Variants in TLK2 observed in about 807,000 individuals in gnomAD.
TLK2 encodes serine/threonine-protein kinase tousled-like 2.
Under a neutral mutation model 117.3 loss-of-function variants are expected in TLK2, and 6 were observed. The ratio of observed to expected loss-of-function variants is 0.05; its 90% CI spans 0.03 to 0.10. The LOEUF (loss-of-function observed/expected upper bound fraction) is 0.10. Ranked by LOEUF, TLK2 falls within the 10% of genes least tolerant of loss-of-function variation. The pLI, the probability that TLK2 is intolerant of heterozygous loss-of-function variation, is 1.00. For synonymous variants in TLK2, 257 were observed against 316.7 expected, an observed-to-expected ratio of 0.81 and a Z score of 2.00; for missense variants, 299 against 901.2, an observed-to-expected ratio of 0.33 and a Z score of 8.56.
chr17:62,491,411 G>A (rs2073098107), intron 2 of TLK2, among the ~76,000 whole-genome samples: 1 of 152,076 alleles, frequency 6.6e-6, no homozygotes, highest in South Asian at 2.1e-4. Context: ...TTTCATACCT[G>A]GGTCTAGGGA....
chr17:62,547,934 A>G (rs1428011340), intron 7 of TLK2, among the ~76,000 whole-genome samples: 2 of 152,160 alleles, frequency 1.3e-5, no homozygotes, highest in Non-Finnish European at 2.9e-5. Flanking sequence ...TAGATAGTCT[A>G]TGATTCCCCT....
Position 62,581,978 on chromosome 17 carries a change from TG to T in TLK2, c.1368+1788del, listed in dbSNP as rs1298304621. Among the ~76,000 whole-genome samples, 3 of 152,156 alleles carry T rather than the reference TG, an allele frequency of 2.0e-5. No individual in the cohort carries two copies. In the East Asian group the frequency reaches 5.8e-4, roughly 29 times the overall value. On this transcript the variant is annotated intron_variant, in intron 15 of 21. Transcript: ENST00000346027. The stretch of plus-strand genomic sequence containing the variant: ...AAATTCTTGGGCAGGACAGTCTCTG[TG>T]GCTCATGTCTATAATCCCAGCACTC...
intron 7 of TLK2, chr17:62,549,837 T>A (rs1387129930): frequency 6.7e-6 from 1 of 148,544 alleles, no homozygotes. Context: ...TTGTATTGTT[T>A]TTTTTTTTTT....
upstream of TLK2, among the ~76,000 whole-genome samples, chr17:62,476,451 TG>T (rs1041137505): frequency 2.0e-5 from 3 of 151,960 alleles, no homozygotes; most frequent in African/African-American, 7.2e-5. Flanking sequence ...GGTGTGGTGG[TG>T]TGCGCCTGTA....
chr17:62,612,317 G>A (rs1197565847), intron 21 of TLK2, 75 bp from the exon 22 acceptor site: 6 of 1,498,382 alleles, frequency 4.0e-6, no homozygotes, highest in Non-Finnish European at 4.5e-6. Context: ...CCTGGCAGCC[G>A]ATAGAGAGCC....
At chr17:62,605,396 G>C (rs1443677892) in intron 19 of TLK2, among the ~76,000 whole-genome samples, 1 of 152,064 alleles carries the variant, frequency 6.6e-6, no homozygotes, top group African/African-American at 2.4e-5. Context: ...TTCTTACTTT[G>C]AGATGGGGGT....
chr17:62,553,245 C>G (rs1248910151), intron 8 of TLK2, among the ~76,000 whole-genome samples: 1 of 152,080 alleles, frequency 6.6e-6, no homozygotes, highest in Non-Finnish European at 1.5e-5. Flanking sequence ...TAGTTGAGCA[C>G]TCAGGTAGCT....
In TLK2 at chr17:62,556,539, C is replaced by G. The variant is rs1159311584; in HGVS notation, c.720+2784C>G. ...TGTGCAGGATTTTTGTGTCATAACC[C>G]CTTGTTCTATTCGTTCTGCCTCTCA... On this transcript the variant is annotated intron_variant, in intron 9 of 21. Coordinates refer to ENST00000346027, the MANE Select transcript of TLK2 (RefSeq NM_006852.6). Among the ~76,000 whole-genome samples, 7 of 152,290 alleles carry G rather than the reference C, an allele frequency of 4.6e-5. No homozygotes were observed. In the South Asian group the frequency reaches 1.5e-3, roughly 32 times the overall value.
intron 10 of TLK2, among the ~76,000 whole-genome samples, chr17:62,561,896 A>G (rs2079309571): frequency 6.6e-6 from 1 of 152,256 alleles, no homozygotes; most frequent in Non-Finnish European, 1.5e-5. Context: ...AAAAGTAAAC[A>G]TAATGCTGTC....
intron 6 of TLK2, among the ~76,000 whole-genome samples, chr17:62,532,805 C>G (rs983379297): frequency 2.0e-5 from 3 of 152,232 alleles, no homozygotes; most frequent in African/African-American, 7.2e-5. Context: ...CTTATACATA[C>G]TTATTAACTT....
intron 2 of TLK2, among the ~76,000 whole-genome samples, chr17:62,509,142 G>A (rs1278220513): frequency 6.6e-6 from 1 of 152,122 alleles, no homozygotes; most frequent in Admixed American, 6.6e-5. Context: ...AGGCTAGAGT[G>A]CAATGGTACA....
intron 16 of TLK2, among the ~76,000 whole-genome samples, chr17:62,592,875 G>T (rs548266294): frequency 6.6e-6 from 1 of 152,336 alleles, no homozygotes; most frequent in East Asian, 1.9e-4. Flanking sequence ...GACAGTGACA[G>T]ATCATCAGGC....
intron 6 of TLK2, among the ~76,000 whole-genome samples, chr17:62,529,748 T>C (rs970191784): frequency 1.3e-5 from 2 of 152,242 alleles, no homozygotes; most frequent in South Asian, 4.1e-4. Flanking sequence ...TTTAGATATA[T>C]CATTGTTTAA....
intron 2 of TLK2, among the ~76,000 whole-genome samples, chr17:62,488,122 A>G (rs2072678557): frequency 6.7e-6 from 1 of 150,240 alleles, no homozygotes; most frequent in African/African-American, 2.5e-5. Context: ...TTTAATAGAG[A>G]CGAGGTTTTA....
chr17:62,570,515 A>G (rs1033950281), intron 11 of TLK2, among the ~76,000 whole-genome samples: 1 of 152,172 alleles, frequency 6.6e-6, no homozygotes, highest in Non-Finnish European at 1.5e-5. Context: ...AGTTTGACAT[A>G]ATCCAGCCTT....
At chr17:62,607,611 C>G (rs748489915) in intron 20 of TLK2, among the ~76,000 whole-genome samples, 19 of 152,116 alleles carry the variant, frequency 1.2e-4, no homozygotes, top group Non-Finnish European at 2.8e-4. Context: ...CCACTCTGTC[C>G]TTACCCCTCT....
At chr17:62,574,319 T>G (rs143320659) in intron 12 of TLK2, 49,377 of 1,538,096 alleles carry the variant, frequency 0.032, 934 homozygotes, top group Non-Finnish European at 0.037. Context: ...TTAGTAAGTT[T>G]ATGTTAAATG....
chr17:62,612,626 G>C lies in TLK2; in HGVS notation c.*61G>C. ...CAAAGTGGACAAATGGCGTTCAGCA[G>C]CGGGTTTGGAACATAGCGAATCCGA... On this transcript the variant is annotated 3_prime_UTR_variant, in exon 22 of 22. Transcript: ENST00000346027. 1 of 1,513,846 alleles carries C rather than the reference G, an allele frequency of 6.6e-7. No individual in the cohort carries two copies. Among genetic ancestry groups the C allele is most frequent in the Non-Finnish European group, 9.0e-7 (1 of 1,112,428 alleles). 93.8% of individuals were successfully genotyped at this position (1,513,846 alleles called of 1,614,324 possible). A position where few individuals can be genotyped will look rare whatever the true frequency, so the allele number is the denominator to read the frequency against.
At chr17:62,507,895 T>C (rs2074836105) in intron 2 of TLK2, among the ~76,000 whole-genome samples, 1 of 152,016 alleles carries the variant, frequency 6.6e-6, no homozygotes, top group South Asian at 2.1e-4. Context: ...TTTAAGTATA[T>C]TAGAAACATG....
Sources: gnomAD v4.1 joint callset for allele counts (sites outside exome capture counted in the v4.1 genomes callset) on GRCh38, gnomAD v4.1.1 for gene constraint, MANE v1.5 for transcripts, NCBI Gene and HGNC (gene_info 2026-07-23, HGNC 2026-07-21) for gene names.